PGAP2: variants seen among roughly 807,000 people sequenced by gnomAD.
The protein encoded by PGAP2 is post-GPI attachment to proteins 2.
A neutral mutation model predicts 33.2 loss-of-function variants in PGAP2; 21 were observed. The observed-to-expected ratio is 0.63, with a 90% CI of 0.45 to 0.91. PGAP2 has a LOEUF of 0.91. Ranked by LOEUF, PGAP2 falls within the 40% of genes least tolerant of loss-of-function variation. The pLI is 0.00. For missense variants in PGAP2, 345 were observed against 424.0 expected, an observed-to-expected ratio of 0.81 and a Z score of 1.64; for synonymous variants, 161 against 172.9, an observed-to-expected ratio of 0.93 and a Z score of 0.54.
At chr11:3,813,963 T>C (rs988239101) in intron 2 of PGAP2, among the ~76,000 whole-genome samples, 3 of 152,178 alleles carry the variant, frequency 2.0e-5, no homozygotes, top group Non-Finnish European at 2.9e-5. Flanking sequence ...CTGGAGTACT[T>C]GGTCCCTCTG....
rs1394956162 is a variant in PGAP2 at position 3,817,539 on chromosome 11, A to G, written c.348+4A>G. On this transcript the variant is annotated splice_donor_region_variant and intron_variant, in intron 3 of 6. Transcript: ENST00000278243. ...CACGGTGGCCACTGACTGTGGGGTG[A>G]GTGCCAGCTCCCCAGCCCCTGGGTC... 6.2e-7 allele frequency: 1 copy of G among 1,613,128 alleles called. No individual in the cohort carries two copies. Among genetic ancestry groups the G allele is most frequent in the African/African-American group, 1.3e-5 (1 of 75,004 alleles).
At position 3,823,971 on chromosome 11, in the gene PGAP2, C is replaced by T. The variant is rs752467302; in HGVS notation, c.437C>T (p.Ser146Leu). 5 of 1,612,156 alleles carry T rather than the reference C, an allele frequency of 3.1e-6. No individual in the cohort carries two copies. Among genetic ancestry groups the T allele is most frequent in the South Asian group, 2.2e-5 (2 of 91,058 alleles). The change falls in exon 4 of 7, where the codon TCG becomes TTG. Residue 146 changes from serine to leucine, a missense_variant. Physicochemically the swap from Ser to Leu is moderately radical, Grantham distance 145. Around this residue, in one of 2 missense-constraint regions of PGAP2, gnomAD observed 311 missense variants for 353.6 expected, o/e 0.88. Coordinates refer to ENST00000278243, the MANE Select transcript of PGAP2 (RefSeq NM_014489.4). ...TGGCGTTTCTGCATCGGCCTGCACT[C>T]GGCGCCTCGCTTCTTGGTGGCCTTC... ...YVWRFCIGLH[S>L]APRFLVAFAY...
At chr11:3,806,018 T>G (rs922451541), upstream of PGAP2, among the ~76,000 whole-genome samples, 1 of 151,996 alleles carries the variant, frequency 6.6e-6, no homozygotes, top group African/African-American at 2.4e-5. Context: ...ATAAAACCAT[T>G]TTATAGACGA....
At chr11:3,806,640 C>T (rs1045922465), upstream of PGAP2, among the ~76,000 whole-genome samples, 1 of 152,192 alleles carries the variant, frequency 6.6e-6, no homozygotes, top group African/African-American at 2.4e-5. Context: ...TGAATTATCT[C>T]AGGTACCAGA....
At chr11:3,820,424 A>G (rs1590353164) in intron 3 of PGAP2, among the ~76,000 whole-genome samples, 1 of 152,322 alleles carries the variant, frequency 6.6e-6, no homozygotes, top group South Asian at 2.1e-4. Flanking sequence ...CACGCCTGTA[A>G]TCCCAGCACT....
Position 3,825,733 on chromosome 11 carries a change from AAC to A in PGAP2, c.*276_*277del, listed in dbSNP as rs1491257727. The A allele has an allele frequency of 3.5e-6, 1 of 289,428 alleles. No homozygotes were observed. The highest frequency in any genetic ancestry group is 2.2e-5 in the African/African-American group (1 of 46,142). The allele number at this position is 289,428 out of a possible 1,614,324, so 17.9% of individuals were successfully genotyped here. A position where few individuals can be genotyped will look rare whatever the true frequency, so the allele number is the denominator to read the frequency against. On this transcript the variant is annotated 3_prime_UTR_variant, in exon 7 of 7. Transcript: ENST00000278243. ...TCCACCATTTGGTGCTAAAAAAAAA[AAC>A]GTCCTGAGGTTCATGACCACCATCC... is the stretch of plus-strand genomic sequence containing the variant.
At position 3,811,027 on chromosome 11, in the gene PGAP2, G is replaced by T. The variant is rs2898938; in HGVS notation, c.-10-223G>T. On this transcript the variant is annotated intron_variant, in intron 1 of 6. Transcript: ENST00000278243. The surrounding 1 kb of genome is among the most constrained non-coding windows in gnomAD (Gnocchi z 4.6). ...CAAGCTTTATCCTAGCACAGATTTG[G>T]TTCATTGTCTTCCCTCTGAAATTGA... is the stretch of plus-strand genomic sequence containing the variant. Among the ~76,000 whole-genome samples the T allele has an allele frequency of 0.6, 91,484 of 152,120 alleles. 30,523 individuals are homozygous for T. Among genetic ancestry groups the T allele is most frequent in the East Asian group, 0.78 (4,060 of 5,176 alleles).
chr11:3,805,016 ATTTCT>A (rs1324258888), upstream of PGAP2, among the ~76,000 whole-genome samples: 10 of 151,982 alleles, frequency 6.6e-5, no homozygotes, highest in African/African-American at 2.2e-4. Flanking sequence ...AACTCTTTTT[ATTTCT>A]TTTATCTTCC....
intron 1 of PGAP2, among the ~76,000 whole-genome samples, chr11:3,798,970 G>T (rs1480962120): frequency 1.3e-5 from 2 of 152,204 alleles, no homozygotes; most frequent in Non-Finnish European, 2.9e-5. Context: ...TAAAGGACGG[G>T]TATTTCAAAT....
chr11:3,810,596 C>G (rs572443271), intron 1 of PGAP2, among the ~76,000 whole-genome samples: 2 of 152,200 alleles, frequency 1.3e-5, no homozygotes, highest in African/African-American at 4.8e-5. Flanking sequence ...CTCCAGCAAA[C>G]AGCAATCCCA....
intron 1 of PGAP2, among the ~76,000 whole-genome samples, chr11:3,800,766 C>T (rs1345781284): frequency 1.0e-3 from 111 of 108,060 alleles, no homozygotes; most frequent in African/African-American, 4.0e-3. Context: ...GAGCTGAGAT[C>T]GAGCCACTGC....
chr11:3,797,958 A>G lies in PGAP2; in HGVS notation c.115A>G (p.Arg39Gly). The G allele has an allele frequency of 6.5e-6, 10 of 1,547,796 alleles. No individual in the cohort carries two copies. Among genetic ancestry groups the G allele is most frequent in the Non-Finnish European group, 8.7e-6 (10 of 1,145,216 alleles). ...CGGGCTGAGGGAGCTCGGGCCAATC[A>G]GAGGGACGGCCCCAGAATGGCATGG... The change falls in exon 1 of 7, where the codon AGA becomes GGA. Residue 39 changes from arginine to glycine, a missense_variant. Arg to Gly is a moderately radical substitution (Grantham distance 125). Coordinates refer to the PGAP2 transcript ENST00000300730.
intron 1 of PGAP2, among the ~76,000 whole-genome samples, chr11:3,799,559 T>C (rs2083158164): frequency 6.6e-6 from 1 of 152,186 alleles, no homozygotes; most frequent in African/African-American, 2.4e-5. Flanking sequence ...ACTACTCCTT[T>C]GTGAGACATG....
At position 3,823,262 on chromosome 11, in the gene PGAP2, C is replaced by T. The variant is rs2089309675; in HGVS notation, c.349-621C>T. Among the ~76,000 whole-genome samples, 3 of 151,996 alleles carry T rather than the reference C, an allele frequency of 2.0e-5. No homozygotes were observed. The South Asian group carries it at 6.2e-4, about 32-fold the overall frequency. On this transcript the variant is annotated intron_variant, in intron 3 of 6. Transcript: ENST00000278243. The stretch of plus-strand genomic sequence containing the variant: ...TGTTGGCCAGGCTGGTCTTTAACTC[C>T]TGACCTCGGGTGATCCACCCACCTC...
intron 3 of PGAP2, chr11:3,823,682 G>A: frequency 1.3e-6 from 2 of 1,571,712 alleles, no homozygotes; most frequent in Non-Finnish European, 1.7e-6. Context: ...AGGATAGCTG[G>A]GGAATGAGAA....
intron 3 of PGAP2, 196 bp from the exon 4 acceptor site, chr11:3,823,687 T>C (rs1423814126): frequency 6.3e-7 from 1 of 1,576,914 alleles, no homozygotes; most frequent in African/African-American, 1.3e-5. Context: ...AGCTGGGGAA[T>C]GAGAATCCAG....
At chr11:3,822,422 G>A (rs917989491) in intron 3 of PGAP2, among the ~76,000 whole-genome samples, 3 of 152,154 alleles carry the variant, frequency 2.0e-5, no homozygotes, top group African/African-American at 7.2e-5. Flanking sequence ...TGTAGTGCCA[G>A]CACTTTGGGA....
At chr11:3,815,939 C>G (rs535576476) in intron 2 of PGAP2, among the ~76,000 whole-genome samples, 1 of 152,232 alleles carries the variant, frequency 6.6e-6, no homozygotes, top group East Asian at 1.9e-4. Flanking sequence ...TTTGCTTTCT[C>G]TCTTTCCCTT....
intron 3 of PGAP2, 25 bp from the exon 4 acceptor site, chr11:3,823,858 G>A: frequency 6.3e-7 from 1 of 1,598,950 alleles, no homozygotes; most frequent in Non-Finnish European, 8.5e-7. Context: ...AGAGGCAGAT[G>A]CCCAGACAGG....
Sources: allele counts gnomAD v4.1 joint callset (sites outside exome capture counted in the v4.1 genomes callset), GRCh38; gene constraint gnomAD v4.1.1; regional missense constraint gnomAD v4.1.1; non-coding constraint Gnocchi (gnomAD v3.1); transcripts MANE v1.5; gene names NCBI Gene and HGNC (gene_info 2026-07-23, HGNC 2026-07-21).